MGAT5B: variants seen among roughly 807,000 people sequenced by gnomAD.
MGAT5B encodes N-acetylglucosaminyl-transferase Vb.
A neutral mutation model predicts 95.1 loss-of-function variants in MGAT5B; 54 were observed. The ratio of observed to expected loss-of-function variants is 0.57; its 90% CI spans 0.46 to 0.71. MGAT5B has a LOEUF of 0.71. Among genes scored for constraint, MGAT5B ranks in the 30% least tolerant of loss-of-function variants. The probability of loss-of-function intolerance (pLI) is 0.00; values close to 1 mark genes in which losing one functional copy is unlikely to be tolerated. For synonymous variants in MGAT5B, 464 were observed against 451.0 expected (o/e 1.03, Z -0.36); for missense variants, 935 against 1,088.6 (o/e 0.86, Z 1.99).
chr17:76,882,705 CTTTTT>C (rs763528809), intron 3 of MGAT5B, among the ~76,000 whole-genome samples: 5,114 of 69,914 alleles, frequency 0.073, 105 homozygotes, highest in East Asian at 0.18. Context: ...TCCACTGCCC[CTTTTT>C]TTTTTTTTTT....
At chr17:76,875,811 G>C (rs184999438) in intron 2 of MGAT5B, among the ~76,000 whole-genome samples, 83 of 151,812 alleles carry the variant, frequency 5.5e-4, no homozygotes, top group African/African-American at 1.9e-3. Context: ...CACGTCTTTT[G>C]GTAAACATAC....
intron 9 of MGAT5B, among the ~76,000 whole-genome samples, chr17:76,925,421 T>C (rs1036116937): frequency 1.3e-5 from 2 of 149,000 alleles, no homozygotes; most frequent in African/African-American, 5.0e-5. Context: ...GAACAGGACA[T>C]TAACCTGGGC....
chr17:76,876,823 C>T (rs11077873), intron 2 of MGAT5B, among the ~76,000 whole-genome samples: 6,477 of 152,282 alleles, frequency 0.043, 189 homozygotes, highest in East Asian at 0.071. Flanking sequence ...GATCTGACTT[C>T]TTTCCCTCTT....
chr17:76,872,211 C>T (rs114096646), intron 1 of MGAT5B, among the ~76,000 whole-genome samples: 2,365 of 152,136 alleles, frequency 0.016, 69 homozygotes, highest in African/African-American at 0.053. Context: ...GGGCATGGGC[C>T]GTGTGGCTCT....
At chr17:76,903,397 G>C in intron 5 of MGAT5B, 21 bp downstream of exon 5, 1 of 1,599,040 alleles carries the variant, frequency 6.3e-7, no homozygotes, top group African/African-American at 1.3e-5. Context: ...GGGCTGAGGG[G>C]TGGGGATGTC....
In MGAT5B at chr17:76,915,854, G is replaced by A. The variant is rs1041408567; in HGVS notation, c.1026-9112G>A. Among the ~76,000 whole-genome samples, 2 of 152,194 alleles carry A rather than the reference G, an allele frequency of 1.3e-5. No homozygotes were observed. Among genetic ancestry groups the A allele is most frequent in the East Asian group, 1.9e-4 (1 of 5,186 alleles). Reference sequence around the variant, plus strand: ...GCATTTTAACCTCCTGGCTGAGCGGGGAGCGAGCGCAGGAGCACACATCCC... The same window carrying A: ...GCATTTTAACCTCCTGGCTGAGCGGAGAGCGAGCGCAGGAGCACACATCCC... On this transcript the variant is annotated intron_variant, in intron 8 of 17. Transcript: ENST00000569840. The surrounding 1 kb of genome is among the most constrained non-coding windows in gnomAD (Gnocchi z 8.7).
rs892807827 is a variant in MGAT5B at position 76,870,325 on chromosome 17, C to T, written c.68+1228C>T. On this transcript the variant is annotated intron_variant, in intron 1 of 17. Coordinates refer to ENST00000569840, the MANE Select transcript of MGAT5B (RefSeq NM_001199172.2). The surrounding 1 kb of genome is among the most constrained non-coding windows in gnomAD (Gnocchi z 5.0). ...CTGCGGTCCGGGGGTCCGGGAGGCC[C>T]GGAGAGCTGGTGCAGGCCGTGGGTG... is the stretch of plus-strand genomic sequence containing the variant. 1.3e-5 allele frequency among the ~76,000 whole-genome samples: 2 copies of T among 152,016 alleles called. No homozygotes were observed. The highest frequency in any genetic ancestry group is 6.5e-5 in the Admixed American group (1 of 15,280).
At chr17:76,904,997 G>A (rs1968467853) in intron 6 of MGAT5B, among the ~76,000 whole-genome samples, 172 bp from the exon 7 acceptor site, 1 of 152,220 alleles carries the variant, frequency 6.6e-6, no homozygotes, top group African/African-American at 2.4e-5. Flanking sequence ...TGTGTTGACA[G>A]GGCGGGCAGG....
At position 76,904,239 on chromosome 17, in the gene MGAT5B, G is replaced by A. The variant is rs540056789; in HGVS notation, c.520-13G>A. 2.8e-5 allele frequency: 44 copies of A among 1,599,232 alleles called. No homozygotes were observed. Among genetic ancestry groups the A allele is most frequent in the Non-Finnish European group, 3.7e-5 (44 of 1,174,374 alleles). ...CTGGCGCAGCCCCCTGCCCAGCCTG[G>A]CCCTCTCTGCAGTGGATGCGTGCCC... On this transcript the variant is annotated splice_polypyrimidine_tract_variant and intron_variant, in intron 5 of 17. Coordinates refer to ENST00000569840, the MANE Select transcript of MGAT5B (RefSeq NM_001199172.2).
rs942511364 is a variant in MGAT5B, at chr17:76,940,386, C to G, written c.1585-16C>G. On this transcript the variant is annotated splice_polypyrimidine_tract_variant and intron_variant, in intron 13 of 17. Transcript: ENST00000569840. The surrounding 1 kb of genome is among the most constrained non-coding windows in gnomAD (Gnocchi z 4.3). ...GGCCCAGCCCTCCCTGATCACTGCGCCCCTTGACTCTGCAGCTCTTCATCG... is the reference window on the plus strand; with the variant it reads ...GGCCCAGCCCTCCCTGATCACTGCGGCCCTTGACTCTGCAGCTCTTCATCG... The G allele has an allele frequency of 1.3e-6, 2 of 1,586,858 alleles. No homozygotes were observed. Among genetic ancestry groups the G allele is most frequent in the Admixed American group, 1.7e-5 (1 of 57,368 alleles).
At chr17:76,875,004 T>G (rs1192615719) in intron 2 of MGAT5B, among the ~76,000 whole-genome samples, 1 of 152,186 alleles carries the variant, frequency 6.6e-6, no homozygotes, top group Non-Finnish European at 1.5e-5. Flanking sequence ...TGGGGTATCA[T>G]ATACACAAAT....
At chr17:76,943,231 TGTTAATTA>T (rs1344164609) in intron 15 of MGAT5B, among the ~76,000 whole-genome samples, 2 of 152,306 alleles carry the variant, frequency 1.3e-5, no homozygotes, top group Admixed American at 1.3e-4. Context: ...TGTTTAATTT[TGTTAATTA>T]GTTAATTAAA....
intron 6 of MGAT5B, among the ~76,000 whole-genome samples, chr17:76,904,906 G>T (rs1236976668): frequency 1.3e-5 from 2 of 152,232 alleles, no homozygotes; most frequent in Non-Finnish European, 2.9e-5. Context: ...CCCTGTCATG[G>T]CTGGGAACCT....
chr17:76,936,177 G>T (rs940900454), intron 12 of MGAT5B, among the ~76,000 whole-genome samples: 32 of 152,048 alleles, frequency 2.1e-4, no homozygotes, highest in African/African-American at 7.7e-4. Context: ...GGAGGCCATG[G>T]CGGGGTGGAT....
intron 3 of MGAT5B, among the ~76,000 whole-genome samples, chr17:76,894,125 T>G (rs141857259): frequency 3.9e-5 from 6 of 152,284 alleles, no homozygotes; most frequent in Non-Finnish European, 8.8e-5. Flanking sequence ...GCACTGCACT[T>G]GTGTCCAGGC....
Position 76,902,559 on chromosome 17 carries a change from C to T in MGAT5B, c.334C>T (p.Pro112Ser). The change falls in exon 4 of 18, where the codon CCC becomes TCC. Residue 112 changes from proline (P) to serine (S), a missense_variant. Physicochemically the swap from Pro to Ser is moderately conservative, Grantham distance 74 (BLOSUM62 -1). Transcript: ENST00000569840. ...CCTCTGGCTTTTCCCACTTAGGATG[C>T]CCCCTGGGGCCGGCCTCATGGAGCG... ...GDLHFPADRM[P>S]PGAGLMERIQ... The T allele has an allele frequency of 2.5e-6, 4 of 1,584,028 alleles. No homozygotes were observed. Among genetic ancestry groups the T allele is most frequent in the Non-Finnish European group, 3.4e-6 (4 of 1,163,602 alleles).
chr17:76,881,794 C>T (rs1041812618), intron 2 of MGAT5B, among the ~76,000 whole-genome samples: 8 of 152,142 alleles, frequency 5.3e-5, no homozygotes, highest in Non-Finnish European at 1.2e-4. Flanking sequence ...TGCCATCTCA[C>T]GGACATGAGG....
At position 76,912,254 on chromosome 17, in the gene MGAT5B, A is replaced by G. The variant is rs112170847; in HGVS notation, c.1025+6067A>G. 7.9e-3 allele frequency among the ~76,000 whole-genome samples: 1,199 copies of G among 152,294 alleles called. 21 individuals are homozygous for G. The highest frequency in any genetic ancestry group is 0.028 in the African/African-American group (1,160 of 41,566). ...GGGGTGGAGGACACAATGTAAACCC[A>G]TAATAAGATGGCAACCACTGGGGGG... is the stretch of plus-strand genomic sequence containing the variant. On this transcript the variant is annotated intron_variant, in intron 8 of 17. Transcript: ENST00000569840. The surrounding 1 kb of genome is among the most constrained non-coding windows in gnomAD (Gnocchi z 5.0).
At chr17:76,900,278 G>C (rs547616) in intron 3 of MGAT5B, among the ~76,000 whole-genome samples, 20,664 of 152,118 alleles carry the variant, frequency 0.14, 1,849 homozygotes, top group African/African-American at 0.22. Context: ...TAGCTTTTAC[G>C]TCTCTTCTCT....
Sources: allele counts gnomAD v4.1 joint callset (sites outside exome capture counted in the v4.1 genomes callset), GRCh38; gene constraint gnomAD v4.1.1; non-coding constraint Gnocchi (gnomAD v3.1); transcripts MANE v1.5; gene names NCBI Gene and HGNC (gene_info 2026-07-23, HGNC 2026-07-21).